The following RNF13 variants were observed in gnomAD, a reference collection of about 807,000 sequenced individuals.
The protein encoded by RNF13 is ring finger protein 13.
Under a neutral mutation model 37.7 loss-of-function variants are expected in RNF13, and 19 were observed. The observed-to-expected ratio is 0.50, with a 90% CI of 0.35 to 0.74. The LOEUF is 0.74. Ranked by LOEUF, RNF13 falls within the 30% of genes least tolerant of loss-of-function variation. The pLI is 0.01. For synonymous variants in RNF13, 144 were observed against 157.8 expected (o/e 0.91, Z 0.65); for missense variants, 375 against 453.0 (o/e 0.83, Z 1.56).
intron 4 of RNF13, among the ~76,000 whole-genome samples, chr3:149,880,143 G>C (rs1713219834): frequency 6.6e-6 from 1 of 152,178 alleles, no homozygotes; most frequent in African/African-American, 2.4e-5. Context: ...AAGTGCAATG[G>C]AAGTTCCTGT....
intron 3 of RNF13, among the ~76,000 whole-genome samples, chr3:149,859,133 T>G (rs374281169): frequency 2.0e-5 from 3 of 152,208 alleles, no homozygotes; most frequent in East Asian, 3.9e-4. Flanking sequence ...GTGCTGGACT[T>G]CCTCACCCTT....
At chr3:149,889,328 G>A (rs866733968) in intron 4 of RNF13, among the ~76,000 whole-genome samples, 5 of 35,604 alleles carry the variant, frequency 1.4e-4, no homozygotes, top group South Asian at 6.9e-4. Context: ...TGTGTGTGTC[G>A]GAGTCTTGCT....
chr3:149,922,745 C>A (rs1289639563), intron 8 of RNF13, among the ~76,000 whole-genome samples: 1 of 152,056 alleles, frequency 6.6e-6, no homozygotes, highest in African/African-American at 2.4e-5. Flanking sequence ...GAGGAAAAAT[C>A]GGGTCAGGGA....
intron 4 of RNF13, among the ~76,000 whole-genome samples, chr3:149,892,200 T>C (rs1023671138): frequency 2.0e-5 from 3 of 152,214 alleles, no homozygotes; most frequent in Non-Finnish European, 2.9e-5. Context: ...TATTATTATG[T>C]TAACAGAGAA....
chr3:149,887,943 A>G (rs554273806), intron 4 of RNF13, among the ~76,000 whole-genome samples: 5 of 152,350 alleles, frequency 3.3e-5, no homozygotes, highest in Admixed American at 3.3e-4. Flanking sequence ...ATACTTGAAC[A>G]TGAAAGTTGA....
intron 5 of RNF13, among the ~76,000 whole-genome samples, chr3:149,896,985 A>G (rs1465732574): frequency 2.0e-5 from 3 of 152,208 alleles, no homozygotes; most frequent in Non-Finnish European, 4.4e-5. Flanking sequence ...CTACATGGGA[A>G]TTACAGGACT....
At chr3:149,886,707 C>T (rs1714075767) in intron 4 of RNF13, among the ~76,000 whole-genome samples, 1 of 152,084 alleles carries the variant, frequency 6.6e-6, no homozygotes, top group Non-Finnish European at 1.5e-5. Context: ...AGTCTTTTAA[C>T]CTGAAGTATG....
At chr3:149,926,672 T>C (rs1316922202) in intron 8 of RNF13, among the ~76,000 whole-genome samples, 1 of 152,204 alleles carries the variant, frequency 6.6e-6, no homozygotes, top group Non-Finnish European at 1.5e-5. Flanking sequence ...TTTGATATTT[T>C]ATATAAGGGT....
At chr3:149,815,460 A>G (rs896390621) in intron 1 of RNF13, among the ~76,000 whole-genome samples, 19 of 152,350 alleles carry the variant, frequency 1.2e-4, no homozygotes, top group African/African-American at 3.1e-4. Flanking sequence ...GTTTCAGTCA[A>G]AACAGTGTTT....
At chr3:149,889,292 C>CGTGTAT (rs1553761927) in intron 4 of RNF13, among the ~76,000 whole-genome samples, 1 of 138,122 alleles carries the variant, frequency 7.2e-6, no homozygotes, top group East Asian at 2.2e-4. Flanking sequence ...TTTGAGTGTG[C>CGTGTAT]GTGTGTGTGT....
chr3:149,869,475 G>A (rs918137447), intron 3 of RNF13, among the ~76,000 whole-genome samples: 10 of 150,944 alleles, frequency 6.6e-5, no homozygotes, highest in African/African-American at 2.2e-4. Flanking sequence ...GCGTAGTGGC[G>A]GGCGCCTGTA....
chr3:149,868,083 A>G (rs1711556512), intron 3 of RNF13, among the ~76,000 whole-genome samples: 1 of 151,804 alleles, frequency 6.6e-6, no homozygotes. Context: ...TGTCCCTCAT[A>G]TTTTGGCTTT....
intron 7 of RNF13, among the ~76,000 whole-genome samples, chr3:149,919,023 TTTA>T (rs1456742461): frequency 2.6e-5 from 4 of 152,192 alleles, no homozygotes; most frequent in Non-Finnish European, 5.9e-5. Flanking sequence ...TTGTTTACTT[TTTA>T]TTCTGTATTT....
chr3:149,947,496 C>T (rs912610772), intron 8 of RNF13, among the ~76,000 whole-genome samples: 1 of 151,960 alleles, frequency 6.6e-6, no homozygotes, highest in Admixed American at 6.5e-5. Context: ...CCTCCTGCCG[C>T]TGGGCTTAAG....
intron 7 of RNF13, among the ~76,000 whole-genome samples, chr3:149,920,790 C>CTTTTTTT: frequency 8.1e-6 from 1 of 124,028 alleles, no homozygotes; most frequent in Non-Finnish European, 1.7e-5. Context: ...CCTTCCCATT[C>CTTTTTTT]TTTTTTTTTT....
At chr3:149,921,058 A>T in intron 7 of RNF13, 76 bp from the exon 8 acceptor site, 1 of 498,852 alleles carries the variant, frequency 2.0e-6, no homozygotes, top group Non-Finnish European at 3.4e-6. Flanking sequence ...AACTTAAAAG[A>T]TATTTGTTAT....
At chr3:149,898,411 C>T (rs1715488690) in intron 5 of RNF13, among the ~76,000 whole-genome samples, 1 of 152,090 alleles carries the variant, frequency 6.6e-6, no homozygotes, top group Non-Finnish European at 1.5e-5. Flanking sequence ...CAGTCAGAGG[C>T]TCTGCCTTCA....
At chr3:149,880,104 C>G (rs1233003864) in intron 4 of RNF13, among the ~76,000 whole-genome samples, 1 of 152,212 alleles carries the variant, frequency 6.6e-6, no homozygotes, top group African/African-American at 2.4e-5. Flanking sequence ...AAAATTCTTA[C>G]TGTAATTGCT....
chr3:149,947,506 G>A (rs535528833), intron 8 of RNF13, among the ~76,000 whole-genome samples: 1 of 152,036 alleles, frequency 6.6e-6, no homozygotes, highest in East Asian at 1.9e-4. Context: ...CTGGGCTTAA[G>A]CGATTCTTCT....
Sources: gnomAD v4.1 joint callset for allele counts (sites outside exome capture counted in the v4.1 genomes callset) on GRCh38, gnomAD v4.1.1 for gene constraint, MANE v1.5 for transcripts, NCBI Gene and HGNC (gene_info 2026-07-23, HGNC 2026-07-21) for gene names.